Variants in CADM1 observed in about 807,000 individuals in gnomAD.
The protein encoded by CADM1 is cell adhesion molecule 1, also known as TSLC-1.
A neutral mutation model predicts 53.1 loss-of-function variants in CADM1; 15 were observed. That is an observed-to-expected ratio of 0.28 (90% CI 0.19 to 0.44). The LOEUF (loss-of-function observed/expected upper bound fraction) is 0.44. Among genes scored for constraint, CADM1 ranks in the 20% least tolerant of loss-of-function variants. The pLI is 1.00. For missense variants in CADM1, 434 were observed against 611.3 expected (o/e 0.71, Z 3.06); for synonymous variants, 281 against 243.0 (o/e 1.16, Z -1.45).
At chr11:115,341,480 A>T (rs933443126) in intron 1 of CADM1, among the ~76,000 whole-genome samples, 2 of 152,204 alleles carry the variant, frequency 1.3e-5, no homozygotes, top group Non-Finnish European at 1.5e-5. Flanking sequence ...ACCTCTATAT[A>T]AACACTGTTC....
At chr11:115,284,644 C>A (rs187616483) in intron 1 of CADM1, among the ~76,000 whole-genome samples, 12 of 152,144 alleles carry the variant, frequency 7.9e-5, no homozygotes, top group African/African-American at 2.9e-4. Context: ...TCTATTTTTT[C>A]TTCACCACTA....
intron 8 of CADM1, among the ~76,000 whole-genome samples, chr11:115,203,063 G>A (rs952035370): frequency 1.3e-5 from 2 of 152,042 alleles, no homozygotes; most frequent in Non-Finnish European, 1.5e-5. Flanking sequence ...AGGAGAGACA[G>A]GATAAAGCTC....
chr11:115,259,343 T>C (rs4938192), intron 1 of CADM1, among the ~76,000 whole-genome samples: 68,666 of 135,286 alleles, frequency 0.51, 20,491 homozygotes, highest in East Asian at 0.87. Context: ...TCTTGCTTGG[T>C]TGCCCAGGCT....
At chr11:115,438,122 A>G (rs1948223897) in intron 1 of CADM1, among the ~76,000 whole-genome samples, 1 of 152,168 alleles carries the variant, frequency 6.6e-6, no homozygotes, top group Admixed American at 6.5e-5. Context: ...ATCTGTTGTG[A>G]GCTTCCAGCA....
chr11:115,348,750 C>T (rs2135050514), intron 1 of CADM1, among the ~76,000 whole-genome samples: 1 of 152,212 alleles, frequency 6.6e-6, no homozygotes, highest in Middle Eastern at 3.4e-3. Flanking sequence ...GTGAGCAAAA[C>T]TGCTCACCAC....
intron 1 of CADM1, among the ~76,000 whole-genome samples, chr11:115,319,073 T>C (rs1944751909): frequency 6.6e-6 from 1 of 152,150 alleles, no homozygotes; most frequent in African/African-American, 2.4e-5. Flanking sequence ...CTCAATGAGA[T>C]GAAAGGATCC....
chr11:115,268,126 C>T (rs73574168), intron 1 of CADM1, among the ~76,000 whole-genome samples: 1,782 of 152,264 alleles, frequency 0.012, 25 homozygotes, highest in Middle Eastern at 0.051. Context: ...GAATCATTCA[C>T]ACCACTGGCC....
At chr11:115,465,169 C>T (rs1948872640) in intron 1 of CADM1, among the ~76,000 whole-genome samples, 1 of 152,070 alleles carries the variant, frequency 6.6e-6, no homozygotes, top group African/African-American at 2.4e-5. Context: ...TAATTAGAGC[C>T]GTTGATCTCT....
chr11:115,238,488 T>A lies in CADM1; in HGVS notation c.424+12A>T. 6.2e-7 allele frequency: 1 copy of A among 1,613,742 alleles called. No homozygotes were observed. Among genetic ancestry groups the A allele is most frequent in the South Asian group, 1.1e-5 (1 of 91,074 alleles). On this transcript the variant is annotated intron_variant, in intron 3 of 11. Coordinates refer to ENST00000331581, the MANE Select transcript of CADM1 (RefSeq NM_001301043.2). ...TCCATTTCCCCGGGTAAGCCCCACATGCGTTTCTTACCCAGGACTGTGATG... is the reference window on the plus strand; with the variant it reads ...TCCATTTCCCCGGGTAAGCCCCACAAGCGTTTCTTACCCAGGACTGTGATG...
chr11:115,272,414 T>C (rs1283608552), intron 1 of CADM1, among the ~76,000 whole-genome samples: 1 of 152,156 alleles, frequency 6.6e-6, no homozygotes, highest in African/African-American at 2.4e-5. Context: ...ATATAAAAAC[T>C]GTTTTCATAT....
At chr11:115,314,629 G>A (rs1020738957) in intron 1 of CADM1, among the ~76,000 whole-genome samples, 1 of 152,160 alleles carries the variant, frequency 6.6e-6, no homozygotes, top group African/African-American at 2.4e-5. Context: ...TATGCTGGAT[G>A]TCATGGATAT....
rs138718907 is a variant in CADM1, at chr11:115,503,717, G to A, written c.124+554C>T. Among the ~76,000 whole-genome samples the A allele has an allele frequency of 5.9e-3, 894 of 152,322 alleles. 10 individuals are homozygous for A. Among genetic ancestry groups the A allele is most frequent in the African/African-American group, 0.02 (852 of 41,574 alleles). On this transcript the variant is annotated intron_variant, in intron 1 of 11. Coordinates refer to ENST00000331581, the MANE Select transcript of CADM1 (RefSeq NM_001301043.2). ...CAGGGGAGAAAGGCAGAGCGCGTTGGGGGAAGGGGCAGGGGAGATCAGACA... is the reference window on the plus strand; with the variant it reads ...CAGGGGAGAAAGGCAGAGCGCGTTGAGGGAAGGGGCAGGGGAGATCAGACA...
intron 5 of CADM1, among the ~76,000 whole-genome samples, chr11:115,227,164 C>T (rs1941642086): frequency 6.6e-6 from 1 of 152,038 alleles, no homozygotes; most frequent in South Asian, 2.1e-4. Context: ...TTGGTGCATC[C>T]TTGTTTTTGG....
intron 1 of CADM1, among the ~76,000 whole-genome samples, chr11:115,420,781 A>T (rs1947735093): frequency 6.6e-6 from 1 of 152,168 alleles, no homozygotes; most frequent in Admixed American, 6.5e-5. Flanking sequence ...ACTGATGATG[A>T]ACAAAGCCAA....
chr11:115,237,493 G>A (rs988107133), intron 3 of CADM1, among the ~76,000 whole-genome samples: 1 of 152,154 alleles, frequency 6.6e-6, no homozygotes, highest in Non-Finnish European at 1.5e-5. Context: ...AGCTCAATAT[G>A]TACATCCATA....
chr11:115,355,798 G>T (rs1043067828), intron 1 of CADM1, among the ~76,000 whole-genome samples: 1 of 151,838 alleles, frequency 6.6e-6, no homozygotes, highest in Admixed American at 6.6e-5. Flanking sequence ...TTTATGCATC[G>T]TATTACTCTT....
At chr11:115,429,147 T>C (rs1947973733) in intron 1 of CADM1, among the ~76,000 whole-genome samples, 2 of 151,456 alleles carry the variant, frequency 1.3e-5, no homozygotes, top group African/African-American at 4.9e-5. Flanking sequence ...CAAACTACAA[T>C]AAAATCAAAA....
intron 1 of CADM1, among the ~76,000 whole-genome samples, chr11:115,398,285 G>GGA (rs1379397242): frequency 1.3e-5 from 2 of 152,174 alleles, no homozygotes; most frequent in Non-Finnish European, 2.9e-5. Flanking sequence ...GAACTAATTT[G>GGA]GAGATATTTT....
intron 1 of CADM1, among the ~76,000 whole-genome samples, chr11:115,295,120 G>A (rs545511514): frequency 1.3e-5 from 2 of 152,216 alleles, no homozygotes; most frequent in South Asian, 4.2e-4. Flanking sequence ...GCTTAGAGAT[G>A]TTTTATCAGA....
Sources: gnomAD v4.1 joint callset for allele counts (sites outside exome capture counted in the v4.1 genomes callset) on GRCh38, gnomAD v4.1.1 for gene constraint, MANE v1.5 for transcripts, NCBI Gene and HGNC (gene_info 2026-07-23, HGNC 2026-07-21) for gene names.